ABHD16A: variants seen among roughly 807,000 people sequenced by gnomAD.
ABHD16A encodes the protein phosphatidylserine lipase ABHD16A.
A neutral mutation model predicts 89.8 loss-of-function variants in ABHD16A; 47 were observed. The ratio of observed to expected loss-of-function variants is 0.52; its 90% CI spans 0.41 to 0.67. The LOEUF (loss-of-function observed/expected upper bound fraction) is 0.67. Among genes scored for constraint, ABHD16A ranks in the 30% least tolerant of loss-of-function variants. The pLI is 0.00. For synonymous variants in ABHD16A, 251 were observed against 280.4 expected (o/e 0.90, Z 1.05); for missense variants, 580 against 734.6 (o/e 0.79, Z 2.43).
At chr6:31,689,949 C>G in intron 11 of ABHD16A, 129 bp downstream of exon 11, 1 of 1,230,392 alleles carries the variant, frequency 8.1e-7, no homozygotes, top group Non-Finnish European at 1.1e-6. Context: ...TCACAACCTC[C>G]TAGACCCCAG....
Position 31,693,155 on chromosome 6 carries a change from G to C in ABHD16A, c.504-6C>G, listed in dbSNP as rs1378589291. The C allele has an allele frequency of 6.2e-7, 1 of 1,611,876 alleles. No homozygotes were observed. The highest frequency in any genetic ancestry group is 8.5e-7 in the Non-Finnish European group (1 of 1,178,912). On this transcript the variant is annotated splice_polypyrimidine_tract_variant and splice_region_variant and intron_variant, in intron 6 of 19. Coordinates refer to ENST00000395952, the MANE Select transcript of ABHD16A (RefSeq NM_021160.3). This position sits in a 1 kb window ranked among gnomAD's most constrained non-coding sequence, Gnocchi z 5.0. ...GGCCCCCTCGAGACTCCTTCCTGAG[G>C]AAGGGAAAGATGCAGGGAAGGATAG...
intron 2 of ABHD16A, 36 bp from the exon 3 acceptor site, chr6:31,701,376 C>T (rs1166592626): frequency 1.6e-6 from 2 of 1,275,688 alleles, no homozygotes; most frequent in Non-Finnish European, 2.2e-6. Flanking sequence ...AATCAATACA[C>T]ACACACACAC....
chr6:31,690,719 T>A lies in ABHD16A; in HGVS notation c.844-117A>T. The A allele has an allele frequency of 5.6e-6, 5 of 888,104 alleles. No homozygotes were observed. The highest frequency in any genetic ancestry group is 9.2e-6 in the Non-Finnish European group (5 of 544,266). The allele number at this position is 888,104 out of a possible 1,614,324, so 55.0% of individuals were successfully genotyped here. On this transcript the variant is annotated intron_variant, in intron 9 of 19. Coordinates refer to ENST00000395952, the MANE Select transcript of ABHD16A (RefSeq NM_021160.3). The surrounding 1 kb of genome is among the most constrained non-coding windows in gnomAD (Gnocchi z 4.1). ...CAGGGAAGAGGAAAGGGCAGGTTTC[T>A]GTTTTCTCCAAGGGGAATGGAAGCT...
At chr6:31,695,038 GA>G (rs1437170506) in intron 5 of ABHD16A, among the ~76,000 whole-genome samples, 1 of 152,196 alleles carries the variant, frequency 6.6e-6, no homozygotes, top group Non-Finnish European at 1.5e-5. Context: ...GTGAGGATCA[GA>G]AAGGGTGTGT....
At chr6:31,701,133 C>T (rs745629234) in intron 3 of ABHD16A, 105 bp from the exon 4 acceptor site, 4 of 1,331,840 alleles carry the variant, frequency 3.0e-6, no homozygotes, top group Non-Finnish European at 1.1e-6. Context: ...TTGGAACAGC[C>T]ATACCCTAAG....
intron 2 of ABHD16A, among the ~76,000 whole-genome samples, 184 bp from the exon 3 acceptor site, chr6:31,701,524 TGGAGGCTG>T (rs1322398944): frequency 6.6e-6 from 1 of 152,198 alleles, no homozygotes; most frequent in Non-Finnish European, 1.5e-5. Flanking sequence ...GTCAATGTAA[TGGAGGCTG>T]GGAAAATTTG....
At position 31,687,824 on chromosome 6, in the gene ABHD16A, C is replaced by G. The variant is rs780888185; in HGVS notation, c.1447G>C (p.Ala483Pro). ...WLEASSQLEE[A>P]SIYSRWEVEE... ...CAAGCCTCACTGGATCCCTTCTCACCTTCCTCCAGCTGTGAGGAGGCCTCC... is the reference window on the plus strand; with the variant it reads ...CAAGCCTCACTGGATCCCTTCTCACGTTCCTCCAGCTGTGAGGAGGCCTCC... Residue 483 changes from alanine (A) to proline (P), a missense_variant and splice_region_variant, in exon 17 of 20, where the codon GCC (alanine) becomes CCC (proline). Physicochemically the swap from Ala to Pro is conservative, Grantham distance 27. Around this residue, in one of 2 missense-constraint regions of ABHD16A, gnomAD observed 415 missense variants for 568.8 expected, o/e 0.73. Coordinates refer to ENST00000395952, the MANE Select transcript of ABHD16A (RefSeq NM_021160.3). The surrounding 1 kb of genome is among the most constrained non-coding windows in gnomAD (Gnocchi z 6.3). 1 of 1,613,020 alleles carries G rather than the reference C, an allele frequency of 6.2e-7. No individual in the cohort carries two copies. Among genetic ancestry groups the G allele is most frequent in the Non-Finnish European group, 8.5e-7 (1 of 1,180,014 alleles).
chr6:31,702,615 C>A, intron 1 of ABHD16A: 1 of 1,484,790 alleles, frequency 6.7e-7, no homozygotes, highest in East Asian at 2.6e-5. Context: ...AGCCTACCAC[C>A]ACCCGCCAGC....
intron 9 of ABHD16A, 95 bp downstream of exon 9, chr6:31,691,484 G>T: frequency 9.4e-7 from 1 of 1,058,238 alleles, no homozygotes; most frequent in Non-Finnish European, 1.4e-6. Context: ...CCCCAGTAGT[G>T]GTTCCTTCAG....
Position 31,687,192 on chromosome 6 carries a change from T to C in ABHD16A, c.*20A>G, listed in dbSNP as rs768120287. On this transcript the variant is annotated 3_prime_UTR_variant, in exon 20 of 20. Transcript: ENST00000395952. This position sits in a 1 kb window ranked among gnomAD's most constrained non-coding sequence, Gnocchi z 6.3. The stretch of plus-strand genomic sequence containing the variant: ...TGTCTCCTCTCACCCCATTCTTCCA[T>C]AATGAGTCCCAGTTGGTCCCTAGAG... 17 of 1,601,560 alleles carry C rather than the reference T, an allele frequency of 1.1e-5. No homozygotes were observed. Among genetic ancestry groups the C allele is most frequent in the Non-Finnish European group, 1.5e-5 (17 of 1,170,068 alleles).
chr6:31,702,170 G>A, intron 1 of ABHD16A, 40 bp from the exon 2 acceptor site: 1 of 1,602,032 alleles, frequency 6.2e-7, no homozygotes, highest in African/African-American at 1.3e-5. Flanking sequence ...CCTGCCCACT[G>A]GCAGGTCCTT....
intron 7 of ABHD16A, 140 bp downstream of exon 7, chr6:31,692,887 T>G: frequency 8.6e-7 from 1 of 1,166,824 alleles, no homozygotes; most frequent in Non-Finnish European, 1.2e-6. Context: ...AAAAATGACT[T>G]TGCCATAAAT....
intron 12 of ABHD16A, 24 bp from the exon 13 acceptor site, chr6:31,689,143 A>G (rs757211413): frequency 6.2e-7 from 1 of 1,602,814 alleles, no homozygotes; most frequent in South Asian, 1.1e-5. Context: ...AGGGAAGAAG[A>G]GTAAGAACTG....
chr6:31,702,378 T>G (rs771960429), intron 1 of ABHD16A, among the ~76,000 whole-genome samples: 11 of 152,192 alleles, frequency 7.2e-5, no homozygotes, highest in African/African-American at 2.7e-4. Context: ...TGGACGATTT[T>G]TGCTCCTTTT....
At position 31,691,915 on chromosome 6, in the gene ABHD16A, G is replaced by A. The variant is rs1037529355; in HGVS notation, c.630C>T (p.Tyr210=). ...GGCGCCCTAGGGTGTGCGCCACCAG[G>A]TAGCTGTGGGGAACACAGGTTAACA... ...VKKLPCQITS[Y]LVAHTLGRRM... is the part of the protein sequence containing the mutation. Residue 210 remains tyrosine (Y), a synonymous_variant, in exon 8 of 20, where the codon TAC becomes TAT. Coordinates refer to ENST00000395952, the MANE Select transcript of ABHD16A (RefSeq NM_021160.3). The A allele has an allele frequency of 1.2e-6, 2 of 1,603,612 alleles. No individual in the cohort carries two copies. Among genetic ancestry groups the A allele is most frequent in the Admixed American group, 1.7e-5 (1 of 59,332 alleles).
rs1171388397 is a variant in ABHD16A, at chr6:31,687,302, A to G, written c.1594-7T>C. 1 of 1,612,800 alleles carries G rather than the reference A, an allele frequency of 6.2e-7. No homozygotes were observed. Reference sequence around the variant, plus strand: ...TGTGCAGATGCTTCCGAGCCTGAGGAAAGGAGGTGGGACAGGTGGGGTACA... The same window carrying G: ...TGTGCAGATGCTTCCGAGCCTGAGGGAAGGAGGTGGGACAGGTGGGGTACA... On this transcript the variant is annotated splice_polypyrimidine_tract_variant and splice_region_variant and intron_variant, in intron 19 of 19. Transcript: ENST00000395952. This position sits in a 1 kb window ranked among gnomAD's most constrained non-coding sequence, Gnocchi z 6.3.
rs1488729409 is a variant in ABHD16A, at chr6:31,688,410, T to A, written c.1251-105A>T. ...TAGCATTCTTACCCTCCCCTTGCTATAGCACAGCCCTTGACCTAGCCCTTC... is the reference window on the plus strand; with the variant it reads ...TAGCATTCTTACCCTCCCCTTGCTAAAGCACAGCCCTTGACCTAGCCCTTC... On this transcript the variant is annotated intron_variant, in intron 14 of 19. Transcript: ENST00000395952. The surrounding 1 kb of genome is among the most constrained non-coding windows in gnomAD (Gnocchi z 4.9). 1 of 1,202,108 alleles carries A rather than the reference T, an allele frequency of 8.3e-7. No individual in the cohort carries two copies. Among genetic ancestry groups the A allele is most frequent in the Non-Finnish European group, 1.2e-6 (1 of 816,072 alleles). The allele number at this position is 1,202,108 out of a possible 1,614,324, so 74.5% of individuals were successfully genotyped here.
rs1017300875 is a variant in ABHD16A at position 31,690,644 on chromosome 6, G to A, written c.844-42C>T. 1.2e-6 allele frequency: 2 copies of A among 1,600,132 alleles called. No homozygotes were observed. Among genetic ancestry groups the A allele is most frequent in the Non-Finnish European group, 1.7e-6 (2 of 1,168,786 alleles). On this transcript the variant is annotated intron_variant, in intron 9 of 19. Coordinates refer to ENST00000395952, the MANE Select transcript of ABHD16A (RefSeq NM_021160.3). This position sits in a 1 kb window ranked among gnomAD's most constrained non-coding sequence, Gnocchi z 4.1. ...AAGGAAGGGCTGGGGGGCCAAGTTG[G>A]GACTGAAAAACTCCCTTTGGGCAGG...
Position 31,698,717 on chromosome 6 carries a change from T to TG in ABHD16A, c.344-1685dup, listed in dbSNP as rs143420408. On this transcript the variant is annotated intron_variant, in intron 4 of 19. Coordinates refer to ENST00000395952, the MANE Select transcript of ABHD16A (RefSeq NM_021160.3). This position sits in a 1 kb window ranked among gnomAD's most constrained non-coding sequence, Gnocchi z 4.1. ...AAAAAACTAAGACAAAACTGAGCAG[T>TG]GGGAGCTACTTTTAGACAGGGTGGT... 4.2e-3 allele frequency among the ~76,000 whole-genome samples: 636 copies of TG among 152,202 alleles called. 4 individuals are homozygous for TG. Among genetic ancestry groups the TG allele is most frequent in the African/African-American group, 0.013 (559 of 41,530 alleles).
Sources: gnomAD v4.1 joint callset for allele counts (sites outside exome capture counted in the v4.1 genomes callset) on GRCh38, gnomAD v4.1.1 for gene constraint, gnomAD v4.1.1 regional missense constraint, Gnocchi (gnomAD v3.1) non-coding constraint, MANE v1.5 for transcripts, NCBI Gene and HGNC (gene_info 2026-07-23, HGNC 2026-07-21) for gene names.